The following ADAMTSL1 variants were observed in gnomAD, a reference collection of about 807,000 sequenced individuals.
The protein encoded by ADAMTSL1 is ADAMTS-like protein 1.
In ADAMTSL1, 126 loss-of-function variants were observed where a neutral mutation model predicts 201.8. The observed-to-expected ratio is 0.62, with a 90% CI of 0.54 to 0.72. ADAMTSL1 has a LOEUF of 0.72. ADAMTSL1 is among the 30% of genes least tolerant of loss of function. The pLI, the probability that ADAMTSL1 is intolerant of heterozygous loss-of-function variation, is 0.00. For missense variants in ADAMTSL1, 2,679 were observed against 2,277.8 expected, an observed-to-expected ratio of 1.18 and a Z score of -3.59; for synonymous variants, 1,121 against 903.4, an observed-to-expected ratio of 1.24 and a Z score of -4.32.
intron 15 of ADAMTSL1, among the ~76,000 whole-genome samples, chr9:18,749,667 AG>A (rs1819350907): frequency 1.3e-5 from 2 of 152,252 alleles, no homozygotes. Context: ...ATCAGCCCCC[AG>A]CAAGACCCAG....
At position 18,645,264 on chromosome 9, in the gene ADAMTSL1, G is replaced by C. The variant is rs1032767224; in HGVS notation, c.834+5853G>C. Among the ~76,000 whole-genome samples, 38 of 152,136 alleles carry C rather than the reference G, an allele frequency of 2.5e-4. 1 individual carries two copies. Among genetic ancestry groups the C allele is most frequent in the Non-Finnish European group, 5.3e-4 (36 of 68,028 alleles). ...GTTTTATTCTTGTAAATTTGTTTGA[G>C]TTCATTGTAGATTCTGGATATTAGC... On this transcript the variant is annotated intron_variant, in intron 7 of 28. Coordinates refer to ENST00000380548, the MANE Select transcript of ADAMTSL1 (RefSeq NM_001040272.6).
At chr9:18,712,672 T>A (rs1832686882) in intron 14 of ADAMTSL1, among the ~76,000 whole-genome samples, 1 of 150,890 alleles carries the variant, frequency 6.6e-6, no homozygotes, top group Non-Finnish European at 1.5e-5. Flanking sequence ...TGGAAAACAC[T>A]CTGCAGGATA....
At chr9:18,591,860 A>G (rs888921093) in intron 4 of ADAMTSL1, among the ~76,000 whole-genome samples, 2 of 152,176 alleles carry the variant, frequency 1.3e-5, no homozygotes, top group African/African-American at 4.8e-5. Context: ...TTGTGGAGGC[A>G]TTTTCCCTGC....
intron 2 of ADAMTSL1, among the ~76,000 whole-genome samples, chr9:18,400,605 G>A (rs960755381): frequency 3.3e-5 from 5 of 152,108 alleles, no homozygotes; most frequent in African/African-American, 4.8e-5. Flanking sequence ...CATAGAATAC[G>A]TTTCGAACAG....
intron 1 of ADAMTSL1, among the ~76,000 whole-genome samples, chr9:18,105,392 C>A (rs751419663): frequency 6.6e-6 from 1 of 152,188 alleles, no homozygotes; most frequent in Non-Finnish European, 1.5e-5. Flanking sequence ...CTTGCCCAAC[C>A]AACGACCAGT....
At chr9:18,050,833 G>T (rs1226176452) in intron 1 of ADAMTSL1, among the ~76,000 whole-genome samples, 1 of 152,116 alleles carries the variant, frequency 6.6e-6, no homozygotes, top group Non-Finnish European at 1.5e-5. Flanking sequence ...ATGTTTCCAT[G>T]TCAAAAAGCT....
intron 1 of ADAMTSL1, among the ~76,000 whole-genome samples, chr9:18,100,090 A>G (rs901861610): frequency 7.3e-5 from 11 of 151,418 alleles, no homozygotes; most frequent in Non-Finnish European, 1.2e-4. Context: ...GTATTGTTTC[A>G]TTTTTCTTAA....
intron 3 of ADAMTSL1, among the ~76,000 whole-genome samples, chr9:18,534,537 T>A (rs186006846): frequency 2.0e-5 from 3 of 152,324 alleles, no homozygotes; most frequent in Non-Finnish European, 2.9e-5. Flanking sequence ...ATTTAGGACT[T>A]TTGTACTTGC....
chr9:18,274,998 A>G (rs1014495180), intron 2 of ADAMTSL1, among the ~76,000 whole-genome samples: 4 of 152,126 alleles, frequency 2.6e-5, no homozygotes, highest in African/African-American at 9.7e-5. Flanking sequence ...ACAAAATTCC[A>G]TGAAACCTCA....
chr9:18,423,670 G>A (rs1819065464), intron 2 of ADAMTSL1, among the ~76,000 whole-genome samples: 1 of 152,182 alleles, frequency 6.6e-6, no homozygotes, highest in Admixed American at 6.5e-5. Context: ...GAGAAGTATA[G>A]GAGCACGCTT....
At chr9:18,605,546 C>T (rs4977387) in intron 4 of ADAMTSL1, among the ~76,000 whole-genome samples, 60,586 of 152,006 alleles carry the variant, frequency 0.4, 12,739 homozygotes, top group East Asian at 0.62. Context: ...CTGCACTCCA[C>T]CTTGGGAAAG....
intron 3 of ADAMTSL1, among the ~76,000 whole-genome samples, chr9:18,568,164 G>A (rs1266907954): frequency 6.6e-6 from 1 of 152,154 alleles, no homozygotes; most frequent in Admixed American, 6.5e-5. Flanking sequence ...TTTCAAGCGA[G>A]GAGGTCTGAG....
intron 3 of ADAMTSL1, among the ~76,000 whole-genome samples, chr9:18,558,551 T>C (rs535618495): frequency 6.6e-6 from 1 of 152,274 alleles, no homozygotes; most frequent in African/African-American, 2.4e-5. Context: ...GGTCAGATGG[T>C]ATTTCTGGTT....
At chr9:18,486,230 A>C (rs968914797) in intron 1 of ADAMTSL1, among the ~76,000 whole-genome samples, 2 of 152,226 alleles carry the variant, frequency 1.3e-5, no homozygotes, top group African/African-American at 4.8e-5. Context: ...ATTTTTCCCA[A>C]ATTATTGAAG....
At chr9:17,956,921 G>T (rs958159240) in intron 1 of ADAMTSL1, among the ~76,000 whole-genome samples, 5 of 152,118 alleles carry the variant, frequency 3.3e-5, no homozygotes, top group Non-Finnish European at 2.9e-5. Context: ...ATTCACTGCT[G>T]TTCTTTCCTC....
intron 1 of ADAMTSL1, among the ~76,000 whole-genome samples, chr9:17,991,734 G>A (rs1483505068): frequency 6.6e-6 from 1 of 152,118 alleles, no homozygotes; most frequent in Non-Finnish European, 1.5e-5. Flanking sequence ...TTGATAGTCA[G>A]ACCTGCCTCA....
chr9:18,832,656 C>A (rs1325855530), intron 23 of ADAMTSL1, among the ~76,000 whole-genome samples: 3 of 152,172 alleles, frequency 2.0e-5, no homozygotes, highest in Non-Finnish European at 4.4e-5. Flanking sequence ...CATCCCTAGT[C>A]AGTCGTGACA....
intron 4 of ADAMTSL1, among the ~76,000 whole-genome samples, chr9:18,579,930 T>C (rs1822989962): frequency 6.6e-6 from 1 of 152,224 alleles, no homozygotes. Flanking sequence ...CATAAATGTA[T>C]GGACAGAACA....
intron 14 of ADAMTSL1, among the ~76,000 whole-genome samples, chr9:18,717,312 G>A (rs1387623210): frequency 1.3e-5 from 2 of 150,878 alleles, no homozygotes; most frequent in South Asian, 2.1e-4. Flanking sequence ...AATTTGAAAA[G>A]TCTGCCCATT....
Sources: gnomAD v4.1 joint callset for allele counts (sites outside exome capture counted in the v4.1 genomes callset) on GRCh38, gnomAD v4.1.1 for gene constraint, MANE v1.5 for transcripts, NCBI Gene and HGNC (gene_info 2026-07-23, HGNC 2026-07-21) for gene names.